The following ZNF141 variants were observed in gnomAD, a reference collection of about 807,000 sequenced individuals.
The protein encoded by ZNF141 is zinc finger protein 141, also known as zinc finger protein 141 (clone pHZ-44).
In ZNF141, 7 loss-of-function variants were observed where a neutral mutation model predicts 11.3. That is an observed-to-expected ratio of 0.62 (90% CI 0.35 to 1.16). The LOEUF (loss-of-function observed/expected upper bound fraction) is 1.16, where lower values mean the gene tolerates loss of function less well. ZNF141 is among the 50% of genes most tolerant of loss of function. The probability of loss-of-function intolerance (pLI) is 0.02; values close to 1 mark genes in which losing one functional copy is unlikely to be tolerated. For synonymous variants in ZNF141, 183 were observed against 190.7 expected, an observed-to-expected ratio of 0.96 and a Z score of 0.33; for missense variants, 535 against 554.0, an observed-to-expected ratio of 0.97 and a Z score of 0.34.
intron 3 of ZNF141, chr4:350,224 G>A (rs782220660): frequency 1.9e-6 from 1 of 534,614 alleles, no homozygotes; most frequent in Non-Finnish European, 3.8e-6. Flanking sequence ...TCTTGAGTTG[G>A]CCATCTGAGT....
intron 3 of ZNF141, among the ~76,000 whole-genome samples, chr4:354,364 A>G (rs956503774): frequency 2.0e-5 from 3 of 152,214 alleles, no homozygotes; most frequent in African/African-American, 4.8e-5. Context: ...TCAGGTTTCT[A>G]TGAGTTCAAG....
chr4:355,254 A>G (rs2108701782), intron 3 of ZNF141, among the ~76,000 whole-genome samples: 1 of 151,932 alleles, frequency 6.6e-6, no homozygotes, highest in South Asian at 2.1e-4. Flanking sequence ...CAGTGGTGCA[A>G]TCTTGGTTCA....
Position 372,962 on chromosome 4 carries a change from ATG to A in ZNF141, c.528_529del (p.Cys176TrpfsTer14). 6.2e-7 allele frequency: 1 copy of A among 1,614,152 alleles called. No homozygotes were observed. ...ATACTGGAGAGAAACACTTTAAAGA[ATG>A]TGGCAAATCATTTCAGAAGTTTTCA... is the stretch of plus-strand genomic sequence containing the variant. ...RHTGEKHFKE[C>X]GKSFQKFSHL... On this transcript the variant is annotated frameshift_variant, in exon 4 of 4. Coordinates refer to ENST00000240499, the MANE Select transcript of ZNF141 (RefSeq NM_003441.4). LOFTEE classifies it low-confidence loss of function (END_TRUNC).
intron 3 of ZNF141, among the ~76,000 whole-genome samples, chr4:346,888 CACACA>C (rs1721346585): frequency 8.0e-6 from 1 of 124,882 alleles, no homozygotes; most frequent in Admixed American, 7.5e-5. Context: ...TACACACACA[CACACA>C]CCGCCCCCCC....
intron 1 of ZNF141, chr4:342,778 C>T (rs537895851): frequency 6.5e-7 from 1 of 1,534,766 alleles, no homozygotes; most frequent in African/African-American, 1.4e-5. Context: ...GTTGTTGTCC[C>T]AGATTTATTG....
rs1712477126 is a variant in ZNF141 at position 378,634 on chromosome 4, C to G, written c.*4772C>G. 6.6e-6 allele frequency among the ~76,000 whole-genome samples: 1 copy of G among 152,064 alleles called. No homozygotes were observed. Among genetic ancestry groups the G allele is most frequent in the African/African-American group, 2.4e-5 (1 of 41,394 alleles). ...AACAATAGAATGATCTCTGTAGATT[C>G]AAAATCTGCACTGATCTTTTTTGTC... On this transcript the variant is annotated 3_prime_UTR_variant, in exon 4 of 4. Coordinates refer to ENST00000240499, the MANE Select transcript of ZNF141 (RefSeq NM_003441.4).
At chr4:338,144 C>A in intron 1 of ZNF141, 158 bp downstream of exon 1, 3 of 901,186 alleles carry the variant, frequency 3.3e-6, no homozygotes, top group South Asian at 3.2e-5. Flanking sequence ...TCCTGTCGGT[C>A]CCCGCACAGC....
At position 373,755 on chromosome 4, in the gene ZNF141, C is replaced by G. The variant is rs782584244; in HGVS notation, c.1318C>G (p.Gln440Glu). Reference protein sequence around the residue: ...KAFKQFSLLSQHKKIHTVDKP... With the variant: ...KAFKQFSLLSEHKKIHTVDKP... Reference sequence around the variant, plus strand: ...CTTTAAACAATTTTCGCTCCTGAGTCAACATAAGAAAATTCATACTGTAGA... The same window carrying G: ...CTTTAAACAATTTTCGCTCCTGAGTGAACATAAGAAAATTCATACTGTAGA... The change falls in exon 4 of 4, where the codon CAA becomes GAA. Residue 440 changes from glutamine (Q) to glutamate (E), a missense_variant. Physicochemically the swap from Gln to Glu is conservative, Grantham distance 29. Coordinates refer to ENST00000240499, the MANE Select transcript of ZNF141 (RefSeq NM_003441.4). The G allele has an allele frequency of 2.5e-6, 4 of 1,613,832 alleles. No homozygotes were observed. The highest frequency in any genetic ancestry group is 3.4e-6 in the Non-Finnish European group (4 of 1,179,916).
At chr4:358,097 G>A (rs1721931364) in intron 3 of ZNF141, 4 of 311,514 alleles carry the variant, frequency 1.3e-5, no homozygotes, top group South Asian at 2.4e-5. Context: ...GTAGAACTGA[G>A]TCTTCTGTTA....
intron 1 of ZNF141, 88 bp from the exon 2 acceptor site, chr4:343,694 C>T: frequency 1.6e-6 from 2 of 1,274,840 alleles, no homozygotes; most frequent in Non-Finnish European, 2.0e-6. Context: ...CGCTGCACTC[C>T]AGCCTGGGTG....
rs868930475 is a variant in ZNF141 at position 369,754 on chromosome 4, A to T, written c.227-2910A>T. ...CTTAAAGAGATATATATATATATAT[A>T]TATATATATATTTTTTTTTTTTTTT... On this transcript the variant is annotated intron_variant, in intron 3 of 3. Transcript: ENST00000240499. Among the ~76,000 whole-genome samples the T allele has an allele frequency of 1.1e-3, 39 of 35,482 alleles. 1 individual carries two copies. The highest frequency in any genetic ancestry group is 5.4e-3 in the African/African-American group (36 of 6,692). 23.3% of individuals were successfully genotyped at this position (35,482 alleles called of 152,430 possible). A position where few individuals can be genotyped will look rare whatever the true frequency, so the allele number is the denominator to read the frequency against.
intron 3 of ZNF141, among the ~76,000 whole-genome samples, chr4:356,766 T>C (rs1263263139): frequency 6.6e-6 from 1 of 152,220 alleles, no homozygotes; most frequent in African/African-American, 2.4e-5. Context: ...TGCCATTTTA[T>C]TCATTGTTTA....
chr4:362,808 G>A (rs545163125), intron 3 of ZNF141, among the ~76,000 whole-genome samples: 3 of 152,314 alleles, frequency 2.0e-5, no homozygotes, highest in Admixed American at 6.5e-5. Context: ...AAGTCAGGTA[G>A]CGTGATGCCT....
At chr4:357,336 A>G (rs1721888704) in intron 3 of ZNF141, among the ~76,000 whole-genome samples, 1 of 151,086 alleles carries the variant, frequency 6.6e-6, no homozygotes, top group African/African-American at 2.4e-5. Context: ...GTCCTGCTAT[A>G]TTGACCCAGG....
intron 3 of ZNF141, among the ~76,000 whole-genome samples, chr4:354,292 CAT>C (rs1204051752): frequency 6.6e-6 from 1 of 152,198 alleles, no homozygotes; most frequent in East Asian, 1.9e-4. Context: ...GACCCTCTCT[CAT>C]GTGAACACAG....
intron 3 of ZNF141, among the ~76,000 whole-genome samples, chr4:347,754 T>A (rs1375518965): frequency 6.7e-6 from 1 of 148,358 alleles, no homozygotes; most frequent in Non-Finnish European, 1.5e-5. Context: ...AAAAAAAAAA[T>A]CTAACCTTTT....
In ZNF141 at chr4:378,382, C is replaced by T. The variant is rs951109837; in HGVS notation, c.*4520C>T. Among the ~76,000 whole-genome samples, 1 of 152,006 alleles carries T rather than the reference C, an allele frequency of 6.6e-6. No individual in the cohort carries two copies. The highest frequency in any genetic ancestry group is 6.6e-5 in the Admixed American group (1 of 15,262). ...CTCCCAGGTTCAAGTGATTCTCCTG[C>T]CTCAGCCTCCTGAGTTAACTGGGAC... On this transcript the variant is annotated 3_prime_UTR_variant, in exon 4 of 4. Transcript: ENST00000240499.
chr4:372,163 T>C (rs1712100329), intron 3 of ZNF141, among the ~76,000 whole-genome samples: 1 of 152,218 alleles, frequency 6.6e-6, no homozygotes, highest in South Asian at 2.1e-4. Flanking sequence ...TCCTGAAACA[T>C]TTACATTTGC....
chr4:349,817 C>T (rs1252955002), intron 3 of ZNF141, among the ~76,000 whole-genome samples: 2 of 152,180 alleles, frequency 1.3e-5, no homozygotes, highest in Non-Finnish European at 2.9e-5. Context: ...GGATATTAAT[C>T]TATATGGCAG....
Sources: gnomAD v4.1 joint callset for allele counts (sites outside exome capture counted in the v4.1 genomes callset) on GRCh38, gnomAD v4.1.1 for gene constraint, MANE v1.5 for transcripts, NCBI Gene and HGNC (gene_info 2026-07-23, HGNC 2026-07-21) for gene names.